The following UNC13C variants were observed in gnomAD, a reference collection of about 807,000 sequenced individuals.
UNC13C encodes the protein protein unc-13 homolog C.
Under a neutral mutation model 245.4 loss-of-function variants are expected in UNC13C, and 174 were observed. The observed-to-expected ratio is 0.71, with a 90% CI of 0.63 to 0.80. UNC13C has a LOEUF of 0.80. Ranked by LOEUF, UNC13C falls within the 30% of genes least tolerant of loss-of-function variation. UNC13C has a pLI of 0.00. For missense variants in UNC13C, 2,829 were observed against 2,602.9 expected (o/e 1.09, Z -1.89); for synonymous variants, 992 against 895.1 (o/e 1.11, Z -1.93).
At chr15:54,454,503 G>A (rs775224545) in intron 19 of UNC13C, among the ~76,000 whole-genome samples, 4 of 151,614 alleles carry the variant, frequency 2.6e-5, no homozygotes, top group African/African-American at 7.3e-5. Flanking sequence ...ACTTGAACCC[G>A]GGAGGTGGAG....
At chr15:54,576,632 A>T (rs940596785) in intron 30 of UNC13C, among the ~76,000 whole-genome samples, 1 of 152,192 alleles carries the variant, frequency 6.6e-6, no homozygotes, top group African/African-American at 2.4e-5. Flanking sequence ...TGCTTCCAGG[A>T]CACTCTTTCT....
At chr15:54,375,784 GC>G (rs1295357947) in intron 17 of UNC13C, among the ~76,000 whole-genome samples, 1 of 152,180 alleles carries the variant, frequency 6.6e-6, no homozygotes, top group Non-Finnish European at 1.5e-5. Flanking sequence ...AAACACCACC[GC>G]CAGCCAATGG....
At chr15:54,456,357 A>G (rs1891523838) in intron 19 of UNC13C, among the ~76,000 whole-genome samples, 1 of 151,992 alleles carries the variant, frequency 6.6e-6, no homozygotes, top group Admixed American at 6.6e-5. Context: ...TTCCATATGA[A>G]CTTTAGGATT....
At position 54,488,677 on chromosome 15, in the gene UNC13C, G is replaced by A. The variant is rs573304815; in HGVS notation, c.4934-5931G>A. On this transcript the variant is annotated intron_variant, in intron 19 of 32. Transcript: ENST00000260323. ...TGAATGCTTGTAAGCACCATTTAAA[G>A]GAAAATAGTCACATTCTTCCCAATT... is the stretch of plus-strand genomic sequence containing the variant. Among the ~76,000 whole-genome samples the A allele has an allele frequency of 3.9e-5, 6 of 152,230 alleles. No homozygotes were observed. The East Asian group carries it at 1.2e-3, about 29-fold the overall frequency.
At chr15:54,332,287 G>A (rs145974149) in intron 15 of UNC13C, among the ~76,000 whole-genome samples, 176 bp downstream of exon 15, 84 of 148,372 alleles carry the variant, frequency 5.7e-4, no homozygotes, top group African/African-American at 1.8e-3. Context: ...TTTGCCCCAC[G>A]TAGACTACAA....
intron 30 of UNC13C, among the ~76,000 whole-genome samples, chr15:54,581,403 A>G (rs1898195657): frequency 6.6e-6 from 1 of 152,170 alleles, no homozygotes; most frequent in Non-Finnish European, 1.5e-5. Flanking sequence ...ACAAAAACTT[A>G]TTTTCCAGTT....
intron 2 of UNC13C, among the ~76,000 whole-genome samples, chr15:54,132,414 C>G (rs1054180296): frequency 3.3e-5 from 5 of 152,074 alleles, no homozygotes; most frequent in African/African-American, 1.2e-4. Context: ...AATGAGTGAT[C>G]AAAGGTATGT....
chr15:54,097,569 T>C (rs1899936321), intron 2 of UNC13C, among the ~76,000 whole-genome samples: 1 of 152,232 alleles, frequency 6.6e-6, no homozygotes, highest in South Asian at 2.1e-4. Flanking sequence ...AATGAGTTAT[T>C]TTCTAGAAAG....
chr15:54,549,006 C>T (rs1896615402), intron 27 of UNC13C, among the ~76,000 whole-genome samples: 1 of 152,110 alleles, frequency 6.6e-6, no homozygotes. Flanking sequence ...ATTTTCCTTC[C>T]TGTGACAATA....
In UNC13C at chr15:54,206,577, T is replaced by C. The variant is rs538109037; in HGVS notation, c.3072-28453T>C. Reference sequence around the variant, plus strand: ...ATTCTATCACCTTGCTTCTGCTTCCTTAGACAAAACAGATCATCCTCACAG... The same window carrying C: ...ATTCTATCACCTTGCTTCTGCTTCCCTAGACAAAACAGATCATCCTCACAG... On this transcript the variant is annotated intron_variant, in intron 4 of 32. Coordinates refer to ENST00000260323, the MANE Select transcript of UNC13C (RefSeq NM_001080534.3). Among the ~76,000 whole-genome samples, 10 of 152,234 alleles carry C rather than the reference T, an allele frequency of 6.6e-5. No homozygotes were observed. The South Asian group carries it at 2.1e-3, about 31-fold the overall frequency.
chr15:54,273,208 A>G (rs2036734198), intron 10 of UNC13C, among the ~76,000 whole-genome samples: 1 of 152,198 alleles, frequency 6.6e-6, no homozygotes, highest in African/African-American at 2.4e-5. Flanking sequence ...CCTTGCAGAA[A>G]CCAGGAAAAG....
intron 10 of UNC13C, among the ~76,000 whole-genome samples, chr15:54,267,845 A>C (rs1259941241): frequency 1.3e-5 from 2 of 151,894 alleles, no homozygotes; most frequent in Non-Finnish European, 2.9e-5. Context: ...TATTTCTTTA[A>C]ATATTCATTC....
chr15:54,492,982 T>C (rs1567324776), intron 19 of UNC13C, among the ~76,000 whole-genome samples: 1 of 152,170 alleles, frequency 6.6e-6, no homozygotes. Flanking sequence ...GCTTGTTCTG[T>C]GCCAGCACCA....
At chr15:54,361,082 T>C (rs918038540) in intron 17 of UNC13C, among the ~76,000 whole-genome samples, 10 of 152,176 alleles carry the variant, frequency 6.6e-5, no homozygotes, top group African/African-American at 1.9e-4. Context: ...CCATTAGGAA[T>C]TTTTATTAAT....
the UNC13C span, among the ~76,000 whole-genome samples, chr15:53,875,207 G>T: frequency 6.6e-6 from 1 of 152,180 alleles, no homozygotes; most frequent in African/African-American, 2.4e-5. Context: ...TTAGCTTATT[G>T]AAAATGTATT....
chr15:54,591,122 C>T (rs1309870945), intron 30 of UNC13C, among the ~76,000 whole-genome samples: 3 of 152,084 alleles, frequency 2.0e-5, no homozygotes, highest in East Asian at 3.9e-4. Context: ...TACACTATCC[C>T]TGCATCCCTG....
intron 4 of UNC13C, among the ~76,000 whole-genome samples, chr15:54,222,984 C>T (rs11071061): frequency 0.044 from 6,661 of 152,044 alleles, 296 homozygotes; most frequent in East Asian, 0.23. Flanking sequence ...TATGTGTATT[C>T]TGGTTATTAA....
chr15:53,946,673 GTTTTTT>G, the UNC13C span, among the ~76,000 whole-genome samples: 2 of 99,284 alleles, frequency 2.0e-5, no homozygotes, highest in Non-Finnish European at 3.8e-5. Context: ...GTGAGCTGAG[GTTTTTT>G]TTTTTTTTTT....
chr15:54,132,879 A>G (rs1191856188), intron 2 of UNC13C, among the ~76,000 whole-genome samples: 1 of 152,214 alleles, frequency 6.6e-6, no homozygotes, highest in Admixed American at 6.5e-5. Context: ...CCTAAACTAG[A>G]TAGGGTGGAA....
Sources: allele counts gnomAD v4.1 joint callset (sites outside exome capture counted in the v4.1 genomes callset), GRCh38; gene constraint gnomAD v4.1.1; transcripts MANE v1.5; gene names NCBI Gene and HGNC (gene_info 2026-07-23, HGNC 2026-07-21).